The following KIF7 variants were observed in gnomAD, a reference collection of about 807,000 sequenced individuals.
KIF7 encodes the protein kinesin-like protein KIF7.
Under a neutral mutation model 135.7 loss-of-function variants are expected in KIF7, and 104 were observed. The observed-to-expected ratio is 0.77, with a 90% confidence interval of 0.65 to 0.90. The LOEUF (loss-of-function observed/expected upper bound fraction) is 0.90, where lower values mean the gene tolerates loss of function less well. Ranked by LOEUF, KIF7 falls within the 40% of genes least tolerant of loss-of-function variation. The probability of loss-of-function intolerance (pLI) is 0.00; values close to 1 mark genes in which losing one functional copy is unlikely to be tolerated. For synonymous variants in KIF7, 883 were observed against 809.4 expected, an observed-to-expected ratio of 1.09 and a Z score of -1.54; for missense variants, 2,005 against 1,839.1, an observed-to-expected ratio of 1.09 and a Z score of -1.65.
At chr15:89,625,672 A>G (rs753682486), downstream of KIF7, 8 of 1,613,674 alleles carry the variant, frequency 5.0e-6, no homozygotes, top group East Asian at 1.3e-4. Flanking sequence ...CCGTGGAGCC[A>G]AAAGGATCTG....
downstream of KIF7, chr15:89,625,120 GCT>G: frequency 6.2e-7 from 1 of 1,613,924 alleles, no homozygotes; most frequent in Non-Finnish European, 8.5e-7. Flanking sequence ...CTTCCTCCCT[GCT>G]CTCAGCATGC....
In KIF7 at chr15:89,649,147, G is replaced by A. The variant is rs2142030519; in HGVS notation, c.750C>T (p.Phe250=). 1.3e-6 allele frequency: 2 copies of A among 1,548,122 alleles called. No homozygotes were observed. The highest frequency in any genetic ancestry group is 1.4e-5 in the African/African-American group (1 of 73,152). ...PGQLLVSKFH[F]VDLAGSERVL... The stretch of plus-strand genomic sequence containing the variant: ...CCCTCTCTGAGCCCGCCAGGTCCAC[G>A]AAGTGGAACTTGGAGACGAGCAGCT... Residue 250 remains phenylalanine (F), a synonymous_variant, in exon 4 of 19, where the codon TTC becomes TTT. Transcript: ENST00000394412.
intron 3 of KIF7, 49 bp downstream of exon 3, chr15:89,649,692 A>T (rs1170945100): frequency 1.6e-5 from 25 of 1,529,362 alleles, no homozygotes; most frequent in Non-Finnish European, 2.0e-5. Flanking sequence ...AAACAGGTGA[A>T]GCCCCCCTAA....
At chr15:89,661,108 A>G in the KIF7 span, among the ~76,000 whole-genome samples, 1 of 152,246 alleles carries the variant, frequency 6.6e-6, no homozygotes, top group Non-Finnish European at 1.5e-5. Flanking sequence ...CAACAGTATC[A>G]TGGCAAAAGC....
intron 14 of KIF7, among the ~76,000 whole-genome samples, 154 bp from the exon 15 acceptor site, chr15:89,631,864 C>CAGAG (rs1453771657): frequency 6.6e-6 from 1 of 152,168 alleles, no homozygotes; most frequent in East Asian, 1.9e-4. Context: ...ACTTAGTTCA[C>CAGAG]AGAGACTCCA....
At chr15:89,640,183 C>T (rs1219454667) in intron 11 of KIF7, among the ~76,000 whole-genome samples, 4 of 151,886 alleles carry the variant, frequency 2.6e-5, no homozygotes, top group Admixed American at 6.6e-5. Flanking sequence ...GGGAGATATA[C>T]CTAATGCTAG....
downstream of KIF7, chr15:89,626,939 T>C (rs1040718386): frequency 6.2e-7 from 1 of 1,612,864 alleles, no homozygotes; most frequent in Non-Finnish European, 8.5e-7. Context: ...ATGCTAAGCC[T>C]TTCTACCTTC....
rs767533531 is a variant in KIF7, at chr15:89,632,988, C to T, written c.2727G>A (p.Glu909=). 11 of 996,522 alleles carry T rather than the reference C, an allele frequency of 1.1e-5. No individual in the cohort carries two copies. Among genetic ancestry groups the T allele is most frequent in the South Asian group, 1.4e-5 (1 of 70,412 alleles). 61.7% of individuals were successfully genotyped at this position (996,522 alleles called of 1,614,324 possible). Residue 909 remains glutamate, a synonymous_variant, in exon 14 of 19, where the codon GAG becomes GAA. Transcript: ENST00000394412. ...VVSLEQQQKI[E]EQKKWLDQEM... ...CCTGGTCCAGCCACTTCTTCTGCTC[C>T]TCAATCTTCTAAGGAAAAGTAGGGA...
chr15:89,623,998 A>T, downstream of KIF7: 1 of 1,613,694 alleles, frequency 6.2e-7, no homozygotes, highest in Non-Finnish European at 8.5e-7. Context: ...AGCCCCTCCA[A>T]CTTCATCGAC....
intron 11 of KIF7, among the ~76,000 whole-genome samples, chr15:89,636,000 C>T (rs1039536848): frequency 1.3e-5 from 2 of 151,968 alleles, no homozygotes; most frequent in African/African-American, 2.4e-5. Context: ...CTCTACAAGC[C>T]AGAAGAGAGT....
rs763506306 is a variant in KIF7, at chr15:89,628,737, A to C, written c.3714T>G (p.Asn1238Lys). ...CGGGTGCCAGGTGGAGCTCATCTTC[A>C]TTTCCAGGAGCCTGTCTGCCCTCCG... Reference protein sequence around the residue: ...LCSEGRQAPGNEDELHLAPEL... With the variant: ...LCSEGRQAPGKEDELHLAPEL... The change falls in exon 19 of 19, where the codon AAT (asparagine) becomes AAG (lysine). Residue 1238 changes from asparagine (N) to lysine (K), a missense_variant. Transcript: ENST00000394412. 1 of 1,612,556 alleles carries C rather than the reference A, an allele frequency of 6.2e-7. No individual in the cohort carries two copies. Among genetic ancestry groups the C allele is most frequent in the Non-Finnish European group, 8.5e-7 (1 of 1,179,886 alleles).
Position 89,652,892 on chromosome 15 carries a change from C to A in KIF7, c.39G>T (p.Glu13Asp). The A allele has an allele frequency of 1.3e-6, 2 of 1,534,356 alleles. No individual in the cohort carries two copies. The highest frequency in any genetic ancestry group is 1.8e-6 in the Non-Finnish European group (2 of 1,137,606). Residue 13 changes from glutamate to aspartate, a missense_variant, in exon 2 of 19, where the codon GAG (glutamate) becomes GAT (aspartate). Coordinates refer to ENST00000394412, the MANE Select transcript of KIF7 (RefSeq NM_198525.3). ...LEAQRLPGAE[E>D]APVRVALRVR... Reference sequence around the variant, plus strand: ...CTCGCAGGGCAACCCGCACTGGGGCCTCCTCAGCCCCTGGCAGCCTCTGAG... The same window carrying A: ...CTCGCAGGGCAACCCGCACTGGGGCATCCTCAGCCCCTGGCAGCCTCTGAG...
chr15:89,624,443 C>T, downstream of KIF7: 1 of 1,614,202 alleles, frequency 6.2e-7, no homozygotes, highest in Non-Finnish European at 8.5e-7. Context: ...CCTCCACCCC[C>T]TTCTAAAGTT....
Position 89,617,946 on chromosome 15 carries a change from C to T in KIF7, c.*75+83G>A, listed in dbSNP as rs780373664. On this transcript the variant is annotated intron_variant and NMD_transcript_variant, in intron 2 of 2. Transcript: ENST00000558928. ...ACCTCAAGTGATCCGCCCGCCTTAG[C>T]CTCCTAAGGTGCTGGGATTACAGGC... The T allele has an allele frequency of 1.3e-5, 8 of 598,870 alleles. No homozygotes were observed. The East Asian group carries it at 2.2e-4, about 16-fold the overall frequency. 37.1% of individuals were successfully genotyped at this position (598,870 alleles called of 1,614,324 possible).
chr15:89,638,090 A>G (rs561312213), intron 11 of KIF7, among the ~76,000 whole-genome samples: 2,230 of 151,388 alleles, frequency 0.015, 70 homozygotes, highest in African/African-American at 0.052. Flanking sequence ...CAATAGATGC[A>G]GAAAAGGCCT....
In KIF7 at chr15:89,628,453, G is replaced by C. The variant is rs145726393; in HGVS notation, c.3998C>G (p.Pro1333Arg). The part of the protein sequence containing the change: ...KPRRELRRAS[P>R]GMIDVRKNPL ...GTTTTTCCGGACATCAATCATCCCC[G>C]GGCTGGCTCGTCGCAGTTCCCGCCG... Residue 1333 changes from proline (P) to arginine (R), a missense_variant, in exon 19 of 19, where the codon CCG becomes CGG. Transcript: ENST00000394412. The C allele has an allele frequency of 1.2e-5, 19 of 1,609,758 alleles. No individual in the cohort carries two copies. In the Admixed American group the frequency reaches 3.0e-4, roughly 26 times the overall value.
rs779543411 is a variant in KIF7 at position 89,645,121 on chromosome 15, G to C, written c.2083C>G (p.Pro695Ala). The change falls in exon 10 of 19, where the codon CCT (proline) becomes GCT (alanine). Residue 695 changes from proline to alanine, a missense_variant. By Grantham distance (27) the Pro-to-Ala change is conservative. Transcript: ENST00000394412. ...KARVQARQVP[P>A]ATASEWRLAQ... is the part of the protein sequence containing the mutation. The stretch of plus-strand genomic sequence containing the variant: ...AGCCGCCACTCTGAGGCTGTGGCAG[G>C]GGGGACCTGGCGGGCCTGAACTCGG... The C allele has an allele frequency of 6.2e-6, 10 of 1,605,344 alleles. No individual in the cohort carries two copies. In the Admixed American group the frequency reaches 1.3e-4, roughly 21 times the overall value.
intron 15 of KIF7, chr15:89,630,756 C>T: frequency 1.8e-6 from 1 of 558,214 alleles, no homozygotes; most frequent in Non-Finnish European, 3.2e-6. Context: ...TTCAGAGCAC[C>T]CTAACCAAAC....
At chr15:89,634,820 C>T (rs1963769372) in intron 11 of KIF7, among the ~76,000 whole-genome samples, 1 of 152,204 alleles carries the variant, frequency 6.6e-6, no homozygotes, top group African/African-American at 2.4e-5. Context: ...TGGGTGGAGC[C>T]CACCACAGCT....
Sources: gnomAD v4.1 joint callset for allele counts (sites outside exome capture counted in the v4.1 genomes callset) on GRCh38, gnomAD v4.1.1 for gene constraint, MANE v1.5 for transcripts, NCBI Gene and HGNC (gene_info 2026-07-23, HGNC 2026-07-21) for gene names.